Variants in CSMD1 observed in about 807,000 individuals in gnomAD.
CSMD1 encodes CUB and sushi domain-containing protein 1.
In CSMD1, 213 loss-of-function variants were observed where a neutral mutation model predicts 417.5. The observed-to-expected ratio is 0.51, with a 90% confidence interval of 0.46 to 0.57. The LOEUF is 0.57. Ranked by LOEUF, CSMD1 falls within the 20% of genes least tolerant of loss-of-function variation. The pLI, the probability that CSMD1 is intolerant of heterozygous loss-of-function variation, is 0.00. For missense variants in CSMD1, 6,923 were observed against 4,529.7 expected, an observed-to-expected ratio of 1.53 and a Z score of -15.17; for synonymous variants, 2,862 against 1,736.8, an observed-to-expected ratio of 1.65 and a Z score of -16.11.
At position 4,483,379 on chromosome 8, in the gene CSMD1, T is replaced by C. The variant is rs936288290; in HGVS notation, c.303-63314A>G. ...CCAGTAGATAAATTATTTTGCTTAA[T>C]GCTGCTACATTTTCTAAAGCTAGCT... On this transcript the variant is annotated intron_variant, in intron 2 of 69. Transcript: ENST00000635120. Among the ~76,000 whole-genome samples the C allele has an allele frequency of 7.2e-5, 11 of 152,230 alleles. No homozygotes were observed. The South Asian group carries it at 1.0e-3, about 14-fold the overall frequency.
At chr8:3,514,633 G>C (rs1003837079) in intron 10 of CSMD1, among the ~76,000 whole-genome samples, 1 of 152,072 alleles carries the variant, frequency 6.6e-6, no homozygotes. Context: ...TTCAGTGCTA[G>C]TCATATATAA....
chr8:3,277,365 A>G (rs1476484089), intron 26 of CSMD1, among the ~76,000 whole-genome samples: 1 of 152,144 alleles, frequency 6.6e-6, no homozygotes, highest in Non-Finnish European at 1.5e-5. Flanking sequence ...GCCAGAAAGT[A>G]CGCAGGTGCA....
intron 6 of CSMD1, among the ~76,000 whole-genome samples, chr8:3,722,757 A>C (rs2129044976): frequency 1.3e-5 from 2 of 152,356 alleles, no homozygotes; most frequent in Middle Eastern, 6.8e-3. Context: ...TATTAGCATT[A>C]ATGCTAGTCG....
chr8:4,569,411 C>T (rs1406658757), intron 2 of CSMD1, among the ~76,000 whole-genome samples: 1 of 152,152 alleles, frequency 6.6e-6, no homozygotes, highest in Non-Finnish European at 1.5e-5. Context: ...ATCCTTTCCC[C>T]ATTGCTTGTT....
At chr8:4,214,513 G>T (rs762869408) in intron 3 of CSMD1, among the ~76,000 whole-genome samples, 25 of 152,142 alleles carry the variant, frequency 1.6e-4, no homozygotes, top group Non-Finnish European at 2.5e-4. Context: ...GCCCAGGTTG[G>T]TCTCAAACCC....
intron 3 of CSMD1, among the ~76,000 whole-genome samples, chr8:4,059,486 A>G (rs1274451229): frequency 6.6e-6 from 1 of 152,240 alleles, no homozygotes; most frequent in East Asian, 1.9e-4. Context: ...ACCCTTCAAA[A>G]AATTAATGAA....
intron 25 of CSMD1, among the ~76,000 whole-genome samples, chr8:3,295,284 A>G (rs7013889): frequency 0.17 from 25,460 of 151,548 alleles, 4,549 homozygotes; most frequent in African/African-American, 0.45. Flanking sequence ...ACCACCACAC[A>G]TGGCTAATTT....
At chr8:3,368,888 G>T (rs11777533) in intron 19 of CSMD1, among the ~76,000 whole-genome samples, 27,694 of 152,104 alleles carry the variant, frequency 0.18, 2,930 homozygotes, top group South Asian at 0.31. Flanking sequence ...TACAAAAATT[G>T]TCCCAGATAT....
At chr8:4,410,747 G>A (rs1370227022) in intron 3 of CSMD1, among the ~76,000 whole-genome samples, 2 of 152,118 alleles carry the variant, frequency 1.3e-5, no homozygotes, top group Non-Finnish European at 2.9e-5. Flanking sequence ...TGATTAAGAT[G>A]AAAAATATTA....
At chr8:4,190,405 G>C (rs916106657) in intron 3 of CSMD1, among the ~76,000 whole-genome samples, 2 of 152,088 alleles carry the variant, frequency 1.3e-5, no homozygotes, top group African/African-American at 4.8e-5. Flanking sequence ...GAATGGTTAT[G>C]ACATTTAATG....
At chr8:4,152,831 A>C (rs1037168453) in intron 3 of CSMD1, among the ~76,000 whole-genome samples, 4 of 152,142 alleles carry the variant, frequency 2.6e-5, no homozygotes, top group Admixed American at 2.6e-4. Context: ...GAGAGTAGGG[A>C]ATGTATGTAT....
chr8:3,314,406 C>A (rs1563262532), intron 23 of CSMD1, among the ~76,000 whole-genome samples: 2 of 152,116 alleles, frequency 1.3e-5, no homozygotes, highest in African/African-American at 4.8e-5. Flanking sequence ...TAAAAACATA[C>A]AGAAGGTATC....
chr8:4,241,666 T>C (rs1463326921), intron 3 of CSMD1, among the ~76,000 whole-genome samples: 2 of 152,046 alleles, frequency 1.3e-5, no homozygotes, highest in Non-Finnish European at 2.9e-5. Context: ...TGGTATTTCT[T>C]CCATCCAGAT....
At chr8:3,846,416 T>G (rs114602217) in intron 5 of CSMD1, among the ~76,000 whole-genome samples, 1 of 152,174 alleles carries the variant, frequency 6.6e-6, no homozygotes, top group Non-Finnish European at 1.5e-5. Context: ...TATGTAAGTT[T>G]TGATTAGCCC....
chr8:3,038,496 G>C (rs182926961), intron 50 of CSMD1, among the ~76,000 whole-genome samples: 1 of 152,234 alleles, frequency 6.6e-6, no homozygotes, highest in East Asian at 1.9e-4. Context: ...TCTTTGAAAA[G>C]ATTGTTTCCT....
chr8:4,879,532 G>A lies in CSMD1; in HGVS notation c.85+114800C>T, dbSNP rs372414354. Among the ~76,000 whole-genome samples the A allele has an allele frequency of 1.0e-3, 156 of 151,920 alleles. 3 individuals carry two copies. The highest frequency in any genetic ancestry group is 3.3e-3 in the African/African-American group (138 of 41,394). On this transcript the variant is annotated intron_variant, in intron 1 of 69. Transcript: ENST00000635120. The stretch of plus-strand genomic sequence containing the variant: ...TATAAGGGACAGAAATACATAATTG[G>A]TATTTCTTTACAAGAAAATGAATAC...
rs140671651 is a variant in CSMD1 at position 3,297,939 on chromosome 8, C to T, written c.3950+9756G>A. 1.0e-2 allele frequency among the ~76,000 whole-genome samples: 1,521 copies of T among 152,148 alleles called. 29 individuals carry two copies. Among genetic ancestry groups the T allele is most frequent in the African/African-American group, 0.035 (1,438 of 41,522 alleles). On this transcript the variant is annotated intron_variant, in intron 25 of 69. Transcript: ENST00000635120. Reference sequence around the variant, plus strand: ...TCAGTATAAAAAAATGGGCAAAAGGCTTCAACTGGCAATTAGTAAAAGAGG... The same window carrying T: ...TCAGTATAAAAAAATGGGCAAAAGGTTTCAACTGGCAATTAGTAAAAGAGG...
chr8:4,703,912 G>T (rs1807746708), intron 1 of CSMD1, among the ~76,000 whole-genome samples: 1 of 152,134 alleles, frequency 6.6e-6, no homozygotes, highest in African/African-American at 2.4e-5. Flanking sequence ...TTCCACCTCA[G>T]ATCATCAGGC....
At chr8:4,858,922 G>A (rs1351202566) in intron 1 of CSMD1, among the ~76,000 whole-genome samples, 2 of 151,014 alleles carry the variant, frequency 1.3e-5, no homozygotes, top group Non-Finnish European at 3.0e-5. Context: ...CTACTTTAAA[G>A]GTCATATGGA....
Sources: gnomAD v4.1 joint callset for allele counts (sites outside exome capture counted in the v4.1 genomes callset) on GRCh38, gnomAD v4.1.1 for gene constraint, MANE v1.5 for transcripts, NCBI Gene and HGNC (gene_info 2026-07-23, HGNC 2026-07-21) for gene names.